The following CAMTA1 variants were observed in gnomAD, a reference collection of about 807,000 sequenced individuals.
CAMTA1 encodes the protein calmodulin-binding transcription activator 1.
CAMTA1 carries 27 observed loss-of-function variants against 170.9 expected under a neutral mutation model. The observed-to-expected ratio is 0.16, with a 90% CI of 0.12 to 0.22. CAMTA1 has a LOEUF of 0.22. Ranked by LOEUF, CAMTA1 falls within the 10% of genes least tolerant of loss-of-function variation. The pLI is 1.00. For missense variants in CAMTA1, 1,619 were observed against 2,217.2 expected (o/e 0.73, Z 5.42); for synonymous variants, 833 against 891.5 (o/e 0.93, Z 1.17).
chr1:7,664,098 C>T lies in CAMTA1; in HGVS notation c.1551C>T (p.Pro517=), dbSNP rs144983513. 526 of 1,613,554 alleles carry T rather than the reference C, an allele frequency of 3.3e-4. 1 individual carries two copies. Among genetic ancestry groups the T allele is most frequent in the Non-Finnish European group, 4.1e-4 (487 of 1,180,036 alleles). Residue 517 remains proline (P), a synonymous_variant, in exon 9 of 23, where the codon CCC becomes CCT. Transcript: ENST00000303635. The part of the protein sequence containing the change: ...MVSSNIRHSP[P]GERSFSFTTV... ...GCTCCAACATCCGGCACTCGCCACC[C>T]GGGGAGCGGAGCTTCAGCTTTACCA...
chr1:6,889,068 T>A (rs1673953847), intron 3 of CAMTA1, among the ~76,000 whole-genome samples: 1 of 152,262 alleles, frequency 6.6e-6, no homozygotes, highest in Non-Finnish European at 1.5e-5. Flanking sequence ...CCAATTGAAC[T>A]TGAGTTTTAT....
chr1:7,430,703 C>T (rs777490631), intron 5 of CAMTA1, among the ~76,000 whole-genome samples: 3 of 152,148 alleles, frequency 2.0e-5, no homozygotes, highest in Non-Finnish European at 2.9e-5. Context: ...ATAACCTGCC[C>T]CTTCCCTCTC....
At chr1:7,369,749 G>A (rs1373496826) in intron 5 of CAMTA1, among the ~76,000 whole-genome samples, 1 of 152,120 alleles carries the variant, frequency 6.6e-6, no homozygotes, top group Non-Finnish European at 1.5e-5. Flanking sequence ...CCTAGGACAA[G>A]CTGAGGTCAT....
intron 1 of CAMTA1, among the ~76,000 whole-genome samples, chr1:6,803,143 A>G (rs1644085476): frequency 6.6e-6 from 1 of 152,192 alleles, no homozygotes; most frequent in African/African-American, 2.4e-5. Flanking sequence ...AGGTGGAATC[A>G]GGCAGTTTGG....
At chr1:7,445,720 C>T (rs1008580754) in intron 5 of CAMTA1, among the ~76,000 whole-genome samples, 2 of 152,206 alleles carry the variant, frequency 1.3e-5, no homozygotes, top group African/African-American at 4.8e-5. Flanking sequence ...GTCTGGAACT[C>T]AGTTTAAATT....
Position 7,195,719 on chromosome 1 carries a change from C to T in CAMTA1, c.303-53772C>T, listed in dbSNP as rs564294737. Among the ~76,000 whole-genome samples, 174 of 152,222 alleles carry T rather than the reference C, an allele frequency of 1.1e-3. 1 individual carries two copies. The highest frequency in any genetic ancestry group is 1.8e-3 in the Admixed American group (28 of 15,284). Reference sequence around the variant, plus strand: ...CTCACAGCAGAAGGATAAAGGGGTTCGATTAAGAGAGCTTGTGGGCTGGGC... The same window carrying T: ...CTCACAGCAGAAGGATAAAGGGGTTTGATTAAGAGAGCTTGTGGGCTGGGC... On this transcript the variant is annotated intron_variant, in intron 4 of 22. Coordinates refer to ENST00000303635, the MANE Select transcript of CAMTA1 (RefSeq NM_015215.4). This position sits in a 1 kb window ranked among gnomAD's most constrained non-coding sequence, Gnocchi z 4.1.
At chr1:7,649,827 C>T (rs1033309811) in intron 7 of CAMTA1, among the ~76,000 whole-genome samples, 2 of 152,232 alleles carry the variant, frequency 1.3e-5, no homozygotes, top group African/African-American at 4.8e-5. Context: ...CCACCGACGT[C>T]CTGGGCCCTG....
Position 7,745,858 on chromosome 1 carries a change from G to A in CAMTA1, c.4384G>A (p.Glu1462Lys), listed in dbSNP as rs771443655. The change falls in exon 18 of 23, where the codon GAG becomes AAG. Residue 1462 changes from glutamate to lysine, a missense_variant. By Grantham distance (56) the Glu-to-Lys change is moderately conservative (BLOSUM62 1). Around this residue, in one of 8 missense-constraint regions of CAMTA1, gnomAD observed 370 missense variants for 429.4 expected, o/e 0.86. Coordinates refer to ENST00000303635, the MANE Select transcript of CAMTA1 (RefSeq NM_015215.4). ...SAAQIRSAYNEPLTPSSNTSL... is the reference protein window; with the variant it reads ...SAAQIRSAYNKPLTPSSNTSL... ...CTCTTGTTTCAGAAGTGCATATAAC[G>A]AGCCTCTAACCCCTTCTTCTAATAC... 7.1e-5 allele frequency: 114 copies of A among 1,613,872 alleles called. No homozygotes were observed. The Admixed American group carries it at 1.8e-3, about 25-fold the overall frequency.
intron 4 of CAMTA1, among the ~76,000 whole-genome samples, chr1:7,203,672 A>G (rs1657121012): frequency 6.7e-6 from 1 of 149,376 alleles, no homozygotes; most frequent in Non-Finnish European, 1.5e-5. Context: ...CTTTGTAGTC[A>G]TTTTCATTTC....
At position 7,674,980 on chromosome 1, in the gene CAMTA1, GA is replaced by G. The variant is rs1157859479; in HGVS notation, c.2780-2614del. 2.6e-5 allele frequency among the ~76,000 whole-genome samples: 4 copies of G among 152,180 alleles called. No homozygotes were observed. The highest frequency in any genetic ancestry group is 9.7e-5 in the African/African-American group (4 of 41,426). On this transcript the variant is annotated intron_variant, in intron 10 of 22. Coordinates refer to ENST00000303635, the MANE Select transcript of CAMTA1 (RefSeq NM_015215.4). The surrounding 1 kb of genome is among the most constrained non-coding windows in gnomAD (Gnocchi z 4.1). Reference sequence around the variant, plus strand: ...CAGGGAGACAGAAAACAAACAAGGAGAAAAAGAAATAACCAAGATAACTGGT... The same window carrying G: ...CAGGGAGACAGAAAACAAACAAGGAGAAAAGAAATAACCAAGATAACTGGT...
intron 15 of CAMTA1, 29 bp from the exon 16 acceptor site, chr1:7,737,930 C>T: frequency 1.3e-6 from 2 of 1,562,684 alleles, no homozygotes; most frequent in Non-Finnish European, 1.7e-6. Context: ...ATCTCCTGTC[C>T]TGACTATCCT....
rs954628574 is a variant in CAMTA1, at chr1:7,325,538, T to A, written c.438+75912T>A. ...TAGTAACCCAGAAGAGAGGTGGTGATGACTTGCTCCAGGGTGTAGCCAGGT... is the reference window on the plus strand; with the variant it reads ...TAGTAACCCAGAAGAGAGGTGGTGAAGACTTGCTCCAGGGTGTAGCCAGGT... On this transcript the variant is annotated intron_variant, in intron 5 of 22. Transcript: ENST00000303635. The surrounding 1 kb of genome is among the most constrained non-coding windows in gnomAD (Gnocchi z 5.0). 3.3e-5 allele frequency among the ~76,000 whole-genome samples: 5 copies of A among 152,180 alleles called. No homozygotes were observed. The highest frequency in any genetic ancestry group is 1.2e-4 in the African/African-American group (5 of 41,446).
At chr1:6,825,335 A>G in intron 3 of CAMTA1, 125 bp downstream of exon 3, 1 of 568,418 alleles carries the variant, frequency 1.8e-6, no homozygotes, top group Non-Finnish European at 3.2e-6. Flanking sequence ...TGTAAATGAC[A>G]TTATTTAATC....
At chr1:7,498,310 ATGTG>A (rs368143345) in intron 6 of CAMTA1, among the ~76,000 whole-genome samples, 194 of 148,758 alleles carry the variant, frequency 1.3e-3, no homozygotes, top group African/African-American at 4.7e-3. Context: ...GTGAGTGTGG[ATGTG>A]TGTGTAAGAG....
In CAMTA1 at chr1:7,663,661, ATGG is replaced by A; in HGVS notation, c.1118_1120del (p.Val373del). On this transcript the variant is annotated inframe_deletion, in exon 9 of 23. Coordinates refer to ENST00000303635, the MANE Select transcript of CAMTA1 (RefSeq NM_015215.4). ...CAGCGGGCTCAACAGCGACCCGGACATGGTGGACAGCCCGGTGGTCACAGGTGT... is the reference window on the plus strand; with the variant it reads ...CAGCGGGCTCAACAGCGACCCGGACATGGACAGCCCGGTGGTCACAGGTGT... 6.2e-7 allele frequency: 1 copy of A among 1,614,054 alleles called. No homozygotes were observed. The highest frequency in any genetic ancestry group is 2.2e-5 in the East Asian group (1 of 44,894).
intron 5 of CAMTA1, among the ~76,000 whole-genome samples, chr1:7,418,703 C>T (rs1025740098): frequency 6.6e-6 from 1 of 152,200 alleles, no homozygotes; most frequent in Admixed American, 6.5e-5. Context: ...CTGAACTTCC[C>T]CTCCTGAGTC....
At chr1:7,496,668 G>T (rs920357399) in intron 6 of CAMTA1, among the ~76,000 whole-genome samples, 3 of 152,120 alleles carry the variant, frequency 2.0e-5, no homozygotes, top group Non-Finnish European at 4.4e-5. Flanking sequence ...TAAAATAAAG[G>T]CAGGGAGAGA....
At chr1:6,866,185 C>T (rs2148941670) in intron 3 of CAMTA1, among the ~76,000 whole-genome samples, 1 of 152,248 alleles carries the variant, frequency 6.6e-6, no homozygotes, top group East Asian at 1.9e-4. Context: ...ATCAGACTCA[C>T]CTGGAAGATT....
intron 4 of CAMTA1, among the ~76,000 whole-genome samples, chr1:7,151,471 T>A (rs1364550763): frequency 2.0e-5 from 3 of 152,188 alleles, no homozygotes; most frequent in Non-Finnish European, 4.4e-5. Flanking sequence ...TCCTGTTGTG[T>A]CCCTGCCTTC....
Sources: gnomAD v4.1 joint callset for allele counts (sites outside exome capture counted in the v4.1 genomes callset) on GRCh38, gnomAD v4.1.1 for gene constraint, gnomAD v4.1.1 regional missense constraint, Gnocchi (gnomAD v3.1) non-coding constraint, MANE v1.5 for transcripts, NCBI Gene and HGNC (gene_info 2026-07-23, HGNC 2026-07-21) for gene names.